IGSF5: variants seen among roughly 807,000 people sequenced by gnomAD.
The protein encoded by IGSF5 is immunoglobulin superfamily 5 like.
IGSF5 carries 41 observed loss-of-function variants against 39.4 expected under a neutral mutation model. The ratio of observed to expected loss-of-function variants is 1.04; its 90% CI spans 0.81 to 1.35. IGSF5 has a LOEUF of 1.35. Ranked by LOEUF, IGSF5 falls within the 40% of genes most tolerant of loss-of-function variation. IGSF5 has a pLI of 0.00. For synonymous variants in IGSF5, 183 were observed against 175.3 expected (o/e 1.04, Z -0.34); for missense variants, 487 against 494.6 (o/e 0.98, Z 0.15).
chr21:39,762,566 T>G (rs2080066475), intron 2 of IGSF5, among the ~76,000 whole-genome samples: 1 of 152,086 alleles, frequency 6.6e-6, no homozygotes. Context: ...CTTATCAGAG[T>G]TGATCCTCTC....
chr21:39,801,145 T>C lies in IGSF5; in HGVS notation c.1129-117T>C, dbSNP rs188326352. On this transcript the variant is annotated intron_variant, in intron 8 of 8. Coordinates refer to ENST00000380588, the MANE Select transcript of IGSF5 (RefSeq NM_001080444.2). The stretch of plus-strand genomic sequence containing the variant: ...AAAGGAAGAGCTTATTTTAACATTT[T>C]TGTTCCTCTCCGTACCTTAATTTTA... 100 of 692,318 alleles carry C rather than the reference T, an allele frequency of 1.4e-4. No individual in the cohort carries two copies. In the African/African-American group the frequency reaches 1.5e-3, roughly 10 times the overall value. 42.9% of individuals were successfully genotyped at this position (692,318 alleles called of 1,614,324 possible).
rs549404851 is a variant in IGSF5 at position 39,797,090 on chromosome 21, C to T, written c.1128+3477C>T. 1.1e-4 allele frequency among the ~76,000 whole-genome samples: 17 copies of T among 152,272 alleles called. No individual in the cohort carries two copies. The South Asian group carries it at 3.5e-3, about 32-fold the overall frequency. ...ACTGTTGACTACACACAGGCTAGTC[C>T]AGCATTTCTAGGTCCTCAATAAACA... On this transcript the variant is annotated intron_variant, in intron 8 of 8. Coordinates refer to ENST00000380588, the MANE Select transcript of IGSF5 (RefSeq NM_001080444.2).
rs1366275619 is a variant in IGSF5 at position 39,801,249 on chromosome 21, C to T, written c.1129-13C>T. The T allele has an allele frequency of 6.2e-7, 1 of 1,610,494 alleles. No homozygotes were observed. The highest frequency in any genetic ancestry group is 1.7e-5 in the Admixed American group (1 of 59,908). ...AACCCATTAAATTGACTTTTTTCCT[C>T]CTCTGTTGCCAGCGGGCTGATCAAC... On this transcript the variant is annotated splice_polypyrimidine_tract_variant and intron_variant, in intron 8 of 8. Coordinates refer to ENST00000380588, the MANE Select transcript of IGSF5 (RefSeq NM_001080444.2).
At chr21:39,796,015 G>A (rs2086993988) in intron 8 of IGSF5, among the ~76,000 whole-genome samples, 1 of 152,160 alleles carries the variant, frequency 6.6e-6, no homozygotes, top group Admixed American at 6.5e-5. Flanking sequence ...GACCAAAGAA[G>A]GACTTTGCCG....
intron 8 of IGSF5, among the ~76,000 whole-genome samples, chr21:39,794,894 A>C (rs1182874656): frequency 3.9e-5 from 6 of 152,096 alleles, no homozygotes; most frequent in Non-Finnish European, 8.8e-5. Context: ...TCCTCCCTGC[A>C]ATTGGGATTC....
intron 8 of IGSF5, among the ~76,000 whole-genome samples, chr21:39,795,053 A>AT (rs2086987474): frequency 6.6e-6 from 1 of 152,186 alleles, no homozygotes; most frequent in African/African-American, 2.4e-5. Context: ...ACAACAAGAC[A>AT]TATGAGGGGC....
At chr21:39,733,071 G>A in the IGSF5 span, among the ~76,000 whole-genome samples, 5 of 151,452 alleles carry the variant, frequency 3.3e-5, no homozygotes, top group Non-Finnish European at 7.4e-5. Flanking sequence ...TTAAAATGCA[G>A]TATTTGAAAA....
intron 2 of IGSF5, among the ~76,000 whole-genome samples, chr21:39,747,127 G>A (rs1313907282): frequency 6.6e-6 from 1 of 152,216 alleles, no homozygotes; most frequent in Non-Finnish European, 1.5e-5. Context: ...CCGAGACCGG[G>A]AAGAAAGAGT....
At chr21:39,731,004 G>A in the IGSF5 span, among the ~76,000 whole-genome samples, 30,899 of 152,086 alleles carry the variant, frequency 0.2, 3,292 homozygotes, top group Middle Eastern at 0.24. Flanking sequence ...GTTTCTCCAT[G>A]GACAAACCAG....
At chr21:39,745,994 C>G (rs941135458) in intron 1 of IGSF5, among the ~76,000 whole-genome samples, 3 of 152,176 alleles carry the variant, frequency 2.0e-5, no homozygotes, top group African/African-American at 7.2e-5. Flanking sequence ...CTCGTGTTCT[C>G]TGACCTGGGG....
chr21:39,713,650 G>A, the IGSF5 span, among the ~76,000 whole-genome samples: 2 of 152,144 alleles, frequency 1.3e-5, no homozygotes, highest in Non-Finnish European at 2.9e-5. Context: ...CTTTCATGTC[G>A]CAGGATAAGT....
At chr21:39,749,707 C>T (rs1376000643) in intron 2 of IGSF5, among the ~76,000 whole-genome samples, 2 of 152,212 alleles carry the variant, frequency 1.3e-5, no homozygotes, top group African/African-American at 4.8e-5. Flanking sequence ...GGGACAATTC[C>T]AAGTGGGGGC....
intron 4 of IGSF5, among the ~76,000 whole-genome samples, chr21:39,776,212 A>ATATC (rs3068554): frequency 1.3e-5 from 2 of 151,156 alleles, no homozygotes; most frequent in Admixed American, 1.3e-4. Flanking sequence ...GTATAGATAT[A>ATATC]AAATATATAT....
At chr21:39,762,945 C>CA (rs2080068430) in intron 2 of IGSF5, among the ~76,000 whole-genome samples, 1 of 151,966 alleles carries the variant, frequency 6.6e-6, no homozygotes, top group African/African-American at 2.4e-5. Context: ...CAGTGCTCTG[C>CA]CCCCCATCTG....
intron 7 of IGSF5, among the ~76,000 whole-genome samples, chr21:39,793,301 T>C (rs2086976170): frequency 6.6e-6 from 1 of 152,196 alleles, no homozygotes; most frequent in Non-Finnish European, 1.5e-5. Context: ...GTGAAACTAA[T>C]GTGTCGAGAA....
chr21:39,763,992 T>C (rs2080073472), intron 2 of IGSF5, among the ~76,000 whole-genome samples: 1 of 152,132 alleles, frequency 6.6e-6, no homozygotes, highest in African/African-American at 2.4e-5. Context: ...ACTTTCTTTC[T>C]GTTTTTTTTA....
chr21:39,792,579 C>T (rs1400805635), intron 7 of IGSF5, among the ~76,000 whole-genome samples: 1 of 152,100 alleles, frequency 6.6e-6, no homozygotes, highest in African/African-American at 2.4e-5. Flanking sequence ...AAGCCCTCTA[C>T]ATTAAAACAT....
intron 8 of IGSF5, among the ~76,000 whole-genome samples, chr21:39,795,234 G>A (rs2086988795): frequency 6.6e-6 from 1 of 152,150 alleles, no homozygotes; most frequent in South Asian, 2.1e-4. Flanking sequence ...GGAGCTGGAA[G>A]GGACGATGAT....
the IGSF5 span, among the ~76,000 whole-genome samples, chr21:39,721,239 G>A: frequency 6.6e-6 from 1 of 152,180 alleles, no homozygotes; most frequent in Non-Finnish European, 1.5e-5. Context: ...GCAATATCGT[G>A]AGATCTTTAT....
Sources: allele counts gnomAD v4.1 joint callset (sites outside exome capture counted in the v4.1 genomes callset), GRCh38; gene constraint gnomAD v4.1.1; transcripts MANE v1.5; gene names NCBI Gene and HGNC (gene_info 2026-07-23, HGNC 2026-07-21).